KAT6B: variants seen among roughly 807,000 people sequenced by gnomAD.
KAT6B encodes lysine acetyltransferase 6B.
Under a neutral mutation model 187.5 loss-of-function variants are expected in KAT6B, and 10 were observed. The observed-to-expected ratio is 0.05, with a 90% CI of 0.03 to 0.09. The LOEUF is 0.09. KAT6B is among the 10% of genes least tolerant of loss of function. KAT6B has a pLI of 1.00. For missense variants in KAT6B, 1,952 were observed against 2,558.9 expected, an observed-to-expected ratio of 0.76 and a Z score of 5.12; for synonymous variants, 861 against 926.8, an observed-to-expected ratio of 0.93 and a Z score of 1.29.
intron 3 of KAT6B, among the ~76,000 whole-genome samples, chr10:74,883,108 G>A (rs1015605611): frequency 3.9e-5 from 6 of 152,180 alleles, no homozygotes; most frequent in African/African-American, 1.4e-4. Flanking sequence ...CTATGGGATT[G>A]AAATAATGCA....
At chr10:74,985,949 G>A (rs1217475250) in intron 12 of KAT6B, among the ~76,000 whole-genome samples, 3 of 152,178 alleles carry the variant, frequency 2.0e-5, no homozygotes, top group East Asian at 3.9e-4. Context: ...GGGAGGCTGA[G>A]GCAGGAGAAT....
intron 3 of KAT6B, among the ~76,000 whole-genome samples, chr10:74,955,298 G>A (rs1208290512): frequency 6.6e-6 from 1 of 151,414 alleles, no homozygotes; most frequent in Non-Finnish European, 1.5e-5. Flanking sequence ...TGAATCCACG[G>A]ATATTAATCC....
chr10:74,859,815 TACTA>T (rs1326887548), intron 3 of KAT6B, among the ~76,000 whole-genome samples: 1 of 152,228 alleles, frequency 6.6e-6, no homozygotes, highest in East Asian at 1.9e-4. Flanking sequence ...GGAGCATGTA[TACTA>T]GCTTATAAAA....
rs146578661 is a variant in KAT6B at position 74,942,105 on chromosome 10, A to G, written c.622-17865A>G. On this transcript the variant is annotated intron_variant, in intron 3 of 17. Coordinates refer to ENST00000287239, the MANE Select transcript of KAT6B (RefSeq NM_012330.4). ...GCGGAGGTTGCAGTGAGCTGAGACC[A>G]TGCCAGTGCACTCTGGCCTCGGCGA... 8.9e-4 allele frequency among the ~76,000 whole-genome samples: 136 copies of G among 152,222 alleles called. 1 individual carries two copies. In the East Asian group the frequency reaches 0.024, roughly 27 times the overall value.
At chr10:74,883,931 A>G (rs1845048898) in intron 3 of KAT6B, among the ~76,000 whole-genome samples, 1 of 152,200 alleles carries the variant, frequency 6.6e-6, no homozygotes, top group Non-Finnish European at 1.5e-5. Context: ...GTGCTGTTGA[A>G]TGAGTCTCAG....
chr10:74,887,804 T>C (rs1404981206), intron 3 of KAT6B, among the ~76,000 whole-genome samples: 1 of 151,786 alleles, frequency 6.6e-6, no homozygotes, highest in Non-Finnish European at 1.5e-5. Flanking sequence ...CCTAGGAGTT[T>C]GAGACCAGCC....
intron 13 of KAT6B, among the ~76,000 whole-genome samples, chr10:75,002,617 G>A (rs892961583): frequency 2.6e-5 from 4 of 151,800 alleles, no homozygotes; most frequent in African/African-American, 9.7e-5. Context: ...GCTCCTAGGT[G>A]ACCAACCTGG....
chr10:74,862,467 C>T (rs1843248326), intron 3 of KAT6B, among the ~76,000 whole-genome samples: 1 of 152,166 alleles, frequency 6.6e-6, no homozygotes, highest in Non-Finnish European at 1.5e-5. Context: ...GATCACACCT[C>T]CATGCTGCTT....
chr10:74,953,361 T>C (rs1244402954), intron 3 of KAT6B, among the ~76,000 whole-genome samples: 2 of 152,220 alleles, frequency 1.3e-5, no homozygotes, highest in African/African-American at 2.4e-5. Flanking sequence ...TTTGCAATAC[T>C]CATAATAATA....
intron 11 of KAT6B, 164 bp downstream of exon 11, chr10:74,982,092 C>T: frequency 1.6e-6 from 1 of 637,330 alleles, no homozygotes; most frequent in Non-Finnish European, 2.7e-6. Context: ...GTTTATCTAA[C>T]CATATTAAGC....
chr10:74,846,683 T>C (rs560541552), intron 3 of KAT6B, among the ~76,000 whole-genome samples: 9 of 152,238 alleles, frequency 5.9e-5, no homozygotes, highest in South Asian at 2.1e-4. Context: ...ATGGTCCACC[T>C]GCCTTAGCCT....
At chr10:74,878,745 A>G (rs1844622470) in intron 3 of KAT6B, among the ~76,000 whole-genome samples, 1 of 152,122 alleles carries the variant, frequency 6.6e-6, no homozygotes, top group Admixed American at 6.6e-5. Flanking sequence ...TTATGTAGAG[A>G]AGTAACAAGC....
At chr10:75,009,829 C>T (rs948756015) in intron 13 of KAT6B, among the ~76,000 whole-genome samples, 2 of 152,108 alleles carry the variant, frequency 1.3e-5, no homozygotes, top group Admixed American at 6.6e-5. Flanking sequence ...TGAAGCAACC[C>T]GATCTCTACT....
At chr10:74,866,799 C>T (rs544063617) in intron 3 of KAT6B, among the ~76,000 whole-genome samples, 3 of 152,268 alleles carry the variant, frequency 2.0e-5, no homozygotes, top group East Asian at 3.9e-4. Context: ...ATGAGACTTT[C>T]TTCTTGACTT....
intron 3 of KAT6B, among the ~76,000 whole-genome samples, chr10:74,858,667 T>G (rs1842970560): frequency 6.6e-6 from 1 of 152,100 alleles, no homozygotes; most frequent in African/African-American, 2.4e-5. Context: ...ACAAGGTGAT[T>G]TATCAAGATA....
At position 75,028,930 on chromosome 10, in the gene KAT6B, G is replaced by A. The variant is rs765548084; in HGVS notation, c.4106G>A (p.Gly1369Glu). The change falls in exon 18 of 18, where the codon GGG becomes GAG. Residue 1369 changes from glycine to glutamate, a missense_variant. Around this residue, in one of 9 missense-constraint regions of KAT6B, gnomAD observed 758 missense variants for 891.4 expected, o/e 0.85. Transcript: ENST00000287239. ...EEEEEEEEEE[G>E]EEEEGGGNVE... The stretch of plus-strand genomic sequence containing the variant: ...GAGGAAGAAGAGGAAGAAGAGGAAG[G>A]GGAAGAAGAAGAAGGAGGAGGAAAT... 1.2e-6 allele frequency: 2 copies of A among 1,604,350 alleles called. No individual in the cohort carries two copies. The highest frequency in any genetic ancestry group is 2.9e-5 in the African/African-American group (2 of 69,176).
intron 3 of KAT6B, among the ~76,000 whole-genome samples, chr10:74,904,951 T>G (rs1234758125): frequency 6.6e-6 from 1 of 152,160 alleles, no homozygotes; most frequent in Non-Finnish European, 1.5e-5. Flanking sequence ...TTCACTAGAA[T>G]TTTGAAGACG....
intron 1 of KAT6B, among the ~76,000 whole-genome samples, chr10:74,830,593 A>G (rs1025403875): frequency 3.3e-5 from 5 of 151,200 alleles, no homozygotes; most frequent in Non-Finnish European, 7.4e-5. Flanking sequence ...GTATTGTACC[A>G]GGTTACACTC....
rs1384950487 is a variant in KAT6B at position 74,988,871 on chromosome 10, GATTA to G, written c.2536-145_2536-142del. 2.0e-5 allele frequency: 14 copies of G among 686,250 alleles called. No individual in the cohort carries two copies. In the African/African-American group the frequency reaches 2.3e-4, roughly 11 times the overall value. 42.5% of individuals were successfully genotyped at this position (686,250 alleles called of 1,614,324 possible). ...TTTGTTGTTAATTGATAGTTTGATTGATTAATATAGTAGGATTTTTCTGCTTGAT... is the reference window on the plus strand; with the variant it reads ...TTTGTTGTTAATTGATAGTTTGATTGATATAGTAGGATTTTTCTGCTTGAT... On this transcript the variant is annotated intron_variant, in intron 12 of 17. Transcript: ENST00000287239.
Sources: gnomAD v4.1 joint callset for allele counts (sites outside exome capture counted in the v4.1 genomes callset) on GRCh38, gnomAD v4.1.1 for gene constraint, gnomAD v4.1.1 regional missense constraint, MANE v1.5 for transcripts, NCBI Gene and HGNC (gene_info 2026-07-23, HGNC 2026-07-21) for gene names.